CTNNA3: variants seen among roughly 807,000 people sequenced by gnomAD.
The protein encoded by CTNNA3 is catenin alpha 3.
A neutral mutation model predicts 95.7 loss-of-function variants in CTNNA3; 76 were observed. That is an observed-to-expected ratio of 0.79 (90% confidence interval 0.66 to 0.96). The LOEUF is 0.96. Ranked by LOEUF, CTNNA3 falls within the 40% of genes least tolerant of loss-of-function variation. The probability of loss-of-function intolerance (pLI) is 0.00; values close to 1 mark genes in which losing one functional copy is unlikely to be tolerated. For missense variants in CTNNA3, 1,191 were observed against 1,089.8 expected, an observed-to-expected ratio of 1.09 and a Z score of -1.31; for synonymous variants, 431 against 374.4, an observed-to-expected ratio of 1.15 and a Z score of -1.74.
At chr10:66,577,713 T>G (rs561339507) in intron 10 of CTNNA3, among the ~76,000 whole-genome samples, 1 of 152,124 alleles carries the variant, frequency 6.6e-6, no homozygotes, top group African/African-American at 2.4e-5. Flanking sequence ...CATGCTGTTT[T>G]GGTTACTGCA....
chr10:67,421,707 A>G (rs1040342629), intron 5 of CTNNA3, among the ~76,000 whole-genome samples: 2 of 152,102 alleles, frequency 1.3e-5, no homozygotes, highest in Non-Finnish European at 2.9e-5. Context: ...ACGAAATGAA[A>G]GAAGCTAATC....
intron 7 of CTNNA3, among the ~76,000 whole-genome samples, chr10:67,060,894 T>C (rs1855720537): frequency 6.6e-6 from 1 of 152,186 alleles, no homozygotes; most frequent in Non-Finnish European, 1.5e-5. Flanking sequence ...TTTAAATTGT[T>C]TTTGACAGTG....
At chr10:67,592,723 C>T (rs936965041) in intron 3 of CTNNA3, among the ~76,000 whole-genome samples, 10 of 152,132 alleles carry the variant, frequency 6.6e-5, no homozygotes, top group African/African-American at 2.4e-4. Flanking sequence ...GTGGCAGTTT[C>T]CACTGCTAGC....
chr10:65,997,147 C>T (rs2078680744), intron 15 of CTNNA3, among the ~76,000 whole-genome samples: 1 of 152,100 alleles, frequency 6.6e-6, no homozygotes, highest in South Asian at 2.1e-4. Flanking sequence ...TCTCGTTTGT[C>T]TCATAGTGGT....
intron 1 of CTNNA3, among the ~76,000 whole-genome samples, chr10:67,669,824 A>C (rs79189581): frequency 0.059 from 9,028 of 152,254 alleles, 295 homozygotes; most frequent in South Asian, 0.1. Flanking sequence ...ATAGAGAATG[A>C]TTATGTCCAC....
chr10:67,351,853 T>TA (rs1444069999), intron 5 of CTNNA3, among the ~76,000 whole-genome samples: 1 of 152,006 alleles, frequency 6.6e-6, no homozygotes, highest in African/African-American at 2.4e-5. Context: ...GCTGGGATTT[T>TA]AATGCACTCT....
chr10:66,037,481 C>T (rs976570772), intron 15 of CTNNA3, among the ~76,000 whole-genome samples: 1 of 152,054 alleles, frequency 6.6e-6, no homozygotes, highest in Admixed American at 6.6e-5. Context: ...CATTTTTCTA[C>T]TGAAAAAATA....
intron 9 of CTNNA3, among the ~76,000 whole-genome samples, chr10:66,745,451 A>G (rs1384838227): frequency 6.6e-6 from 1 of 152,198 alleles, no homozygotes; most frequent in African/African-American, 2.4e-5. Flanking sequence ...TCTGCTCACC[A>G]TCCCTTAAAA....
At chr10:67,564,373 C>A (rs1841666312) in intron 3 of CTNNA3, among the ~76,000 whole-genome samples, 1 of 148,586 alleles carries the variant, frequency 6.7e-6, no homozygotes, top group Admixed American at 6.8e-5. Context: ...AACCACCATT[C>A]TGAGCAAACT....
chr10:67,248,181 G>A (rs1252871014), intron 5 of CTNNA3, among the ~76,000 whole-genome samples: 5 of 151,966 alleles, frequency 3.3e-5, no homozygotes, highest in African/African-American at 1.2e-4. Context: ...GATTAGCTGG[G>A]TGTGGTGGCA....
chr10:67,669,507 G>C (rs1840392559), intron 1 of CTNNA3, among the ~76,000 whole-genome samples: 1 of 152,080 alleles, frequency 6.6e-6, no homozygotes, highest in African/African-American at 2.4e-5. Context: ...AAAACAAACT[G>C]GGTTCAAATT....
chr10:67,649,755 T>C (rs1839824465), intron 1 of CTNNA3, among the ~76,000 whole-genome samples: 1 of 152,182 alleles, frequency 6.6e-6, no homozygotes, highest in Non-Finnish European at 1.5e-5. Flanking sequence ...TCTGACAAAT[T>C]TGTAGATATA....
chr10:66,685,321 G>GTATA (rs1564617397), intron 9 of CTNNA3, among the ~76,000 whole-genome samples: 1,109 of 21,862 alleles, frequency 0.051, 54 homozygotes, highest in Middle Eastern at 0.14. Flanking sequence ...GTGTGTGTAT[G>GTATA]TGTGTATATA....
In CTNNA3 at chr10:66,118,345, G is replaced by A. The variant is rs1010801823; in HGVS notation, c.1885-15096C>T. ...CCATGCATATATAGATTGAAATGTT[G>A]TTTTCAAAACCTACTCAAGCTATCT... On this transcript the variant is annotated intron_variant, in intron 13 of 17. Coordinates refer to ENST00000433211, the MANE Select transcript of CTNNA3 (RefSeq NM_013266.4). The A allele has an allele frequency of 2.6e-5, 4 of 152,078 alleles. No individual in the cohort carries two copies. The South Asian group carries it at 8.3e-4, about 31-fold the overall frequency. The allele number at this position is 152,078 out of a possible 1,614,324, so 9.4% of individuals were successfully genotyped here. A position where few individuals can be genotyped will look rare whatever the true frequency, so the allele number is the denominator to read the frequency against.
chr10:66,826,070 C>A (rs1201353234), intron 7 of CTNNA3, among the ~76,000 whole-genome samples: 2 of 152,086 alleles, frequency 1.3e-5, no homozygotes, highest in East Asian at 3.9e-4. Flanking sequence ...TTCATTTGCT[C>A]CTTCAAAAGG....
chr10:67,375,734 G>A (rs1304712222), intron 5 of CTNNA3, among the ~76,000 whole-genome samples: 3 of 152,174 alleles, frequency 2.0e-5, no homozygotes, highest in African/African-American at 7.2e-5. Context: ...ATTGAAGGTG[G>A]TCAATGACTA....
chr10:67,659,730 AAGTGAC>A (rs1840125592), intron 1 of CTNNA3, among the ~76,000 whole-genome samples: 1 of 152,218 alleles, frequency 6.6e-6, no homozygotes, highest in South Asian at 2.1e-4. Context: ...TACACTTTGA[AAGTGAC>A]AGAGGCTTCT....
intron 9 of CTNNA3, among the ~76,000 whole-genome samples, chr10:66,652,153 T>C (rs1443627729): frequency 1.0e-5 from 1 of 99,024 alleles, no homozygotes; most frequent in Non-Finnish European, 2.4e-5. Flanking sequence ...AAGGAAATAA[T>C]AAAAATCAGA....
intron 5 of CTNNA3, among the ~76,000 whole-genome samples, chr10:67,467,709 T>TATC (rs1269998215): frequency 3.3e-5 from 5 of 151,124 alleles, no homozygotes; most frequent in Non-Finnish European, 7.4e-5. Context: ...TTATTTTATT[T>TATC]ATTATTATTA....
Sources: allele counts gnomAD v4.1 joint callset (sites outside exome capture counted in the v4.1 genomes callset), GRCh38; gene constraint gnomAD v4.1.1; transcripts MANE v1.5; gene names NCBI Gene and HGNC (gene_info 2026-07-23, HGNC 2026-07-21).